Variants in PCDHA3 observed in about 807,000 individuals in gnomAD.
PCDHA3 encodes protocadherin alpha-3.
Under a neutral mutation model 62.2 loss-of-function variants are expected in PCDHA3, and 41 were observed. That is an observed-to-expected ratio of 0.66 (90% CI 0.51 to 0.86). PCDHA3 has a LOEUF of 0.86. PCDHA3 is among the 40% of genes least tolerant of loss of function. The probability of loss-of-function intolerance (pLI) is 0.00; values close to 1 mark genes in which losing one functional copy is unlikely to be tolerated. For missense variants in PCDHA3, 1,304 were observed against 1,241.2 expected (o/e 1.05, Z -0.76); for synonymous variants, 640 against 555.4 (o/e 1.15, Z -2.14).
chr5:140,966,452 C>T, intron 1 of PCDHA3: 1 of 425,890 alleles, frequency 2.3e-6, no homozygotes, highest in South Asian at 9.0e-5. Flanking sequence ...TTTCCCCCTC[C>T]CCCTCTGTCT....
intron 1 of PCDHA3, among the ~76,000 whole-genome samples, chr5:140,896,879 G>A (rs1323456222): frequency 6.6e-6 from 1 of 151,976 alleles, no homozygotes; most frequent in Non-Finnish European, 1.5e-5. Context: ...TATTTATGGG[G>A]TATATGAGAC....
intron 1 of PCDHA3, chr5:140,823,209 A>G (rs201089803): frequency 1.5e-5 from 25 of 1,613,654 alleles, no homozygotes; most frequent in South Asian, 2.2e-5. Context: ...CGGTGTCTGC[A>G]CGGGACGCGG....
chr5:140,823,570 G>A lies in PCDHA3; in HGVS notation c.2394+19979G>A, dbSNP rs2150127003. The A allele has an allele frequency of 1.9e-5, 31 of 1,613,864 alleles. No homozygotes were observed. Among genetic ancestry groups the A allele is most frequent in the Non-Finnish European group, 2.6e-5 (31 of 1,179,924 alleles). ...GGCGAAGGTGCGCGCAGTGGACCCT[G>A]ATTCGGGCTACAACGCTTGGCTTTC... is the stretch of plus-strand genomic sequence containing the variant. On this transcript the variant is annotated intron_variant, in intron 1 of 3. Coordinates refer to ENST00000522353, the MANE Select transcript of PCDHA3 (RefSeq NM_018906.3).
chr5:140,842,130 A>G (rs2150330073), intron 1 of PCDHA3: 80 of 1,613,774 alleles, frequency 5.0e-5, no homozygotes, highest in Non-Finnish European at 6.6e-5. Context: ...TCTGATCCGG[A>G]TGAAGGAGCC....
chr5:140,928,513 A>AT (rs1563106002), intron 1 of PCDHA3: 1 of 1,614,182 alleles, frequency 6.2e-7, no homozygotes, highest in South Asian at 1.1e-5. Flanking sequence ...AACAGTGACT[A>AT]TAAACTTGTT....
intron 1 of PCDHA3, among the ~76,000 whole-genome samples, chr5:140,889,267 A>T (rs1376262292): frequency 6.6e-6 from 1 of 151,966 alleles, no homozygotes; most frequent in Non-Finnish European, 1.5e-5. Context: ...AAGTTTGTAT[A>T]ATCTTTGAAT....
rs1487823749 is a variant in PCDHA3 at position 140,803,102 on chromosome 5, T to C, written c.1905T>C (p.Arg635=). ...ACACGGGAGAGATCAGCACGACCCG[T>C]GCCCTGGACGAGGTGGACGCCCCGC... The part of the protein sequence containing the change: ...GLYTGEISTT[R]ALDEVDAPRH... Residue 635 remains arginine (R), a synonymous_variant, in exon 1 of 4, where the codon CGT becomes CGC. Transcript: ENST00000522353. 1.9e-6 allele frequency: 3 copies of C among 1,613,738 alleles called. No individual in the cohort carries two copies. In the African/African-American group the frequency reaches 4.0e-5, roughly 22 times the overall value.
Position 140,841,349 on chromosome 5 carries a change from G to A in PCDHA3, c.2394+37758G>A, listed in dbSNP as rs2150314039. The A allele has an allele frequency of 5.3e-5, 86 of 1,612,662 alleles. 1 individual carries two copies. In the East Asian group the frequency reaches 1.9e-3, roughly 36 times the overall value. On this transcript the variant is annotated intron_variant, in intron 1 of 3. Coordinates refer to ENST00000522353, the MANE Select transcript of PCDHA3 (RefSeq NM_018906.3). ...GGATTATCACTGGCGAGGAGAGCTG[G>A]GATCCTGGCGACTACTACTCTTGCT...
chr5:140,803,301 G>C lies in PCDHA3; in HGVS notation c.2104G>C (p.Val702Leu). The C allele has an allele frequency of 6.2e-7, 1 of 1,614,112 alleles. No individual in the cohort carries two copies. The highest frequency in any genetic ancestry group is 1.1e-5 in the South Asian group (1 of 91,088). ...GGTGGATGTCAACGTGTACTTGATCGTCGCCATCTGCGCGGTGTCCAGTCT... is the reference window on the plus strand; with the variant it reads ...GGTGGATGTCAACGTGTACTTGATCCTCGCCATCTGCGCGGTGTCCAGTCT... ...ALVDVNVYLI[V>L]AICAVSSLLV... The change falls in exon 1 of 4, where the codon GTC (valine) becomes CTC (leucine). Residue 702 changes from valine (V) to leucine (L), a missense_variant. Val to Leu is a conservative substitution (Grantham distance 32). Coordinates refer to ENST00000522353, the MANE Select transcript of PCDHA3 (RefSeq NM_018906.3).
chr5:140,834,296 A>T, intron 1 of PCDHA3: 2 of 1,241,708 alleles, frequency 1.6e-6, no homozygotes, highest in South Asian at 1.5e-5. Flanking sequence ...CAATGGCCAC[A>T]CATCGAGATT....
At position 140,931,440 on chromosome 5, in the gene PCDHA3, A is replaced by C. The variant is rs539915059; in HGVS notation, c.2395-47509A>C. Among the ~76,000 whole-genome samples the C allele has an allele frequency of 2.1e-5, 3 of 141,482 alleles. No individual in the cohort carries two copies. In the South Asian group the frequency reaches 6.9e-4, roughly 32 times the overall value. 92.8% of individuals were successfully genotyped at this position (141,482 alleles called of 152,430 possible). A position where few individuals can be genotyped will look rare whatever the true frequency, so the allele number is the denominator to read the frequency against. ...CTAGAAGTTAGAAGGAAAATTAGCT[A>C]TTTAAAAGGAAAAATATAGGAATGA... On this transcript the variant is annotated intron_variant, in intron 1 of 3. Transcript: ENST00000522353.
intron 3 of PCDHA3, among the ~76,000 whole-genome samples, chr5:140,984,149 G>C (rs2097089041): frequency 6.6e-6 from 1 of 152,198 alleles, no homozygotes; most frequent in Non-Finnish European, 1.5e-5. Context: ...CATCTGGGAA[G>C]GTGAGAACTT....
chr5:140,852,931 T>G (rs1554146230), intron 1 of PCDHA3: 1 of 623,668 alleles, frequency 1.6e-6, no homozygotes, highest in Non-Finnish European at 2.1e-6. Flanking sequence ...CAGGCTGGAG[T>G]GCAGTGGTGC....
At chr5:140,825,477 T>C (rs1364531758) in intron 1 of PCDHA3, 1 of 150,372 alleles carries the variant, frequency 6.7e-6, no homozygotes, top group Non-Finnish European at 1.5e-5. Flanking sequence ...AATTTTGCTC[T>C]TGTTGCCCAA....
intron 1 of PCDHA3, among the ~76,000 whole-genome samples, chr5:140,906,606 G>A (rs2072783004): frequency 6.6e-6 from 1 of 152,208 alleles, no homozygotes; most frequent in Non-Finnish European, 1.5e-5. Context: ...TACTCATTCT[G>A]TATTCCCTTT....
At chr5:140,898,970 C>T (rs2067071539) in intron 1 of PCDHA3, among the ~76,000 whole-genome samples, 2 of 152,006 alleles carry the variant, frequency 1.3e-5, no homozygotes, top group South Asian at 4.2e-4. Context: ...TGGGAGTTCA[C>T]TCATGATTTG....
At chr5:140,918,970 T>C (rs1217884686) in intron 1 of PCDHA3, among the ~76,000 whole-genome samples, 1 of 152,220 alleles carries the variant, frequency 6.6e-6, no homozygotes, top group Non-Finnish European at 1.5e-5. Flanking sequence ...CAGATATCGT[T>C]TAGGTTAGTT....
At chr5:140,912,824 A>T (rs1391588183) in intron 1 of PCDHA3, among the ~76,000 whole-genome samples, 3 of 152,170 alleles carry the variant, frequency 2.0e-5, no homozygotes, top group Non-Finnish European at 4.4e-5. Flanking sequence ...AGGGATTTTG[A>T]ATTTTATTAA....
intron 1 of PCDHA3, chr5:140,869,449 G>C (rs1562628506): frequency 9.3e-6 from 15 of 1,614,196 alleles, no homozygotes; most frequent in Non-Finnish European, 1.3e-5. Context: ...GCCGCTGCAG[G>C]TTTTCCATGT....
Sources: gnomAD v4.1 joint callset for allele counts (sites outside exome capture counted in the v4.1 genomes callset) on GRCh38, gnomAD v4.1.1 for gene constraint, MANE v1.5 for transcripts, NCBI Gene and HGNC (gene_info 2026-07-23, HGNC 2026-07-21) for gene names.